Variants in WWOX observed in about 807,000 individuals in gnomAD.
WWOX encodes the protein WW domain-containing oxidoreductase.
Under a neutral mutation model 46.2 loss-of-function variants are expected in WWOX, and 69 were observed. The ratio of observed to expected loss-of-function variants is 1.49; its 90% CI spans 1.23 to 1.82. The LOEUF (loss-of-function observed/expected upper bound fraction) is 1.82. Ranked by LOEUF, WWOX falls within the 40% of genes most tolerant of loss-of-function variation. WWOX has a pLI of 0.00. For synonymous variants in WWOX, 359 were observed against 202.6 expected, an observed-to-expected ratio of 1.77 and a Z score of -6.56; for missense variants, 919 against 542.6, an observed-to-expected ratio of 1.69 and a Z score of -6.89.
intron 8 of WWOX, among the ~76,000 whole-genome samples, chr16:79,088,708 T>C (rs1041478298): frequency 2.6e-5 from 4 of 152,164 alleles, no homozygotes; most frequent in Non-Finnish European, 4.4e-5. Flanking sequence ...GTGGTCCATA[T>C]TGAGAACCGC....
intron 8 of WWOX, among the ~76,000 whole-genome samples, chr16:78,951,811 G>C (rs896375141): frequency 6.6e-6 from 1 of 152,130 alleles, no homozygotes; most frequent in East Asian, 1.9e-4. Context: ...TTGCAGGAAA[G>C]GTCTGAGCAG....
chr16:78,353,454 C>T (rs1319106406), intron 5 of WWOX, among the ~76,000 whole-genome samples: 3 of 152,168 alleles, frequency 2.0e-5, no homozygotes, highest in African/African-American at 4.8e-5. Context: ...AGAAATCATC[C>T]AGCAGCAGTG....
chr16:79,006,839 C>A (rs542317603), intron 8 of WWOX, among the ~76,000 whole-genome samples: 1 of 152,184 alleles, frequency 6.6e-6, no homozygotes, highest in Non-Finnish European at 1.5e-5. Flanking sequence ...ATGCTGGCAT[C>A]CTTCTGGCTC....
At chr16:78,830,706 C>T (rs985827953) in intron 8 of WWOX, among the ~76,000 whole-genome samples, 6 of 151,698 alleles carry the variant, frequency 4.0e-5, no homozygotes, top group Non-Finnish European at 7.4e-5. Context: ...GCTTTCTGGG[C>T]TGTTCAGGTC....
intron 8 of WWOX, among the ~76,000 whole-genome samples, chr16:79,053,790 G>A (rs2048212924): frequency 6.6e-6 from 1 of 152,080 alleles, no homozygotes; most frequent in African/African-American, 2.4e-5. Flanking sequence ...CATTAATCCT[G>A]GAGCCTCTGA....
At chr16:78,891,948 G>A (rs967294100) in intron 8 of WWOX, 1 of 147,564 alleles carries the variant, frequency 6.8e-6, no homozygotes, top group African/African-American at 2.5e-5. Flanking sequence ...AGTGTAGGTC[G>A]GGGAGGTCTT....
At chr16:78,875,766 G>T (rs1306929807) in intron 8 of WWOX, among the ~76,000 whole-genome samples, 1 of 152,152 alleles carries the variant, frequency 6.6e-6, no homozygotes, top group Non-Finnish European at 1.5e-5. Context: ...TGTCAGTGTA[G>T]GCTCTGCATG....
At position 78,602,782 on chromosome 16, in the gene WWOX, C is replaced by T. The variant is rs180767500; in HGVS notation, c.1056+170030C>T. The stretch of plus-strand genomic sequence containing the variant: ...ATGGTTTACATGGTTTATCTTGTAG[C>T]GTTCCATTTAAGTCTGCTAAGAGTA... On this transcript the variant is annotated intron_variant, in intron 8 of 8. Transcript: ENST00000566780. Among the ~76,000 whole-genome samples the T allele has an allele frequency of 8.6e-4, 131 of 152,250 alleles. No homozygotes were observed. In the South Asian group the frequency reaches 0.012, roughly 14 times the overall value.
intron 4 of WWOX, among the ~76,000 whole-genome samples, chr16:78,146,350 G>A (rs1003515582): frequency 2.6e-5 from 4 of 152,090 alleles, no homozygotes; most frequent in African/African-American, 9.7e-5. Flanking sequence ...TAGTCACAAT[G>A]TTCACATTAC....
chr16:78,542,675 C>G (rs1050555773), intron 8 of WWOX, among the ~76,000 whole-genome samples: 1 of 152,186 alleles, frequency 6.6e-6, no homozygotes, highest in Admixed American at 6.5e-5. Context: ...TTATAAAAGA[C>G]ACAGAAACAC....
intron 8 of WWOX, among the ~76,000 whole-genome samples, chr16:78,952,382 G>A (rs1394330346): frequency 1.4e-5 from 2 of 141,436 alleles, no homozygotes; most frequent in Non-Finnish European, 3.1e-5. Flanking sequence ...TTTGTTTTTT[G>A]AGTTTTTTTT....
intron 8 of WWOX, among the ~76,000 whole-genome samples, chr16:78,601,560 A>T (rs2045623676): frequency 6.6e-6 from 1 of 152,198 alleles, no homozygotes; most frequent in South Asian, 2.1e-4. Context: ...TTTTTATATA[A>T]GCACTTTCCG....
chr16:79,149,248 G>A (rs898886374), intron 8 of WWOX, among the ~76,000 whole-genome samples: 1 of 152,110 alleles, frequency 6.6e-6, no homozygotes, highest in Admixed American at 6.5e-5. Flanking sequence ...AAATGATAAT[G>A]GGTGTGTACT....
At position 78,338,776 on chromosome 16, in the gene WWOX, C is replaced by A. The variant is rs1333149280; in HGVS notation, c.517-48084C>A. ...TCTTCTCTTTTTCTGTTTTCTTCTT[C>A]CATTTTTATGTTTTGCTATGCCATT... On this transcript the variant is annotated intron_variant, in intron 5 of 8. Transcript: ENST00000566780. Among the ~76,000 whole-genome samples, 8 of 120,972 alleles carry A rather than the reference C, an allele frequency of 6.6e-5. 1 individual carries two copies. Among genetic ancestry groups the A allele is most frequent in the African/African-American group, 2.2e-4 (8 of 35,908 alleles). 79.4% of individuals were successfully genotyped at this position (120,972 alleles called of 152,430 possible).
chr16:78,497,847 T>G (rs2084953974), intron 8 of WWOX, among the ~76,000 whole-genome samples: 1 of 96,066 alleles, frequency 1.0e-5, no homozygotes, highest in Non-Finnish European at 2.5e-5. Flanking sequence ...ACACCGGAGT[T>G]ACTGAGAATT....
chr16:78,393,702 A>G (rs552997391), intron 6 of WWOX, among the ~76,000 whole-genome samples: 2 of 152,154 alleles, frequency 1.3e-5, no homozygotes, highest in East Asian at 1.9e-4. Context: ...TAAAATAATT[A>G]CCCAAGTCCA....
At chr16:78,963,986 A>G (rs1323261247) in intron 8 of WWOX, among the ~76,000 whole-genome samples, 1 of 152,174 alleles carries the variant, frequency 6.6e-6, no homozygotes, top group Non-Finnish European at 1.5e-5. Context: ...TGCCACCACC[A>G]TGTAAGAAGT....
intron 8 of WWOX, among the ~76,000 whole-genome samples, chr16:78,640,226 GTTTTTTTTTTTTTT>G (rs34129775): frequency 6.1e-5 from 4 of 65,346 alleles, no homozygotes; most frequent in South Asian, 8.4e-4. Flanking sequence ...TTGTTGTTGG[GTTTTTTTTTTTTTT>G]TTTTTTTTTT....
intron 8 of WWOX, among the ~76,000 whole-genome samples, chr16:79,100,496 C>A (rs61588682): frequency 6.6e-6 from 1 of 152,136 alleles, no homozygotes; most frequent in African/African-American, 2.4e-5. Flanking sequence ...TTGGCTTTGA[C>A]CAATGAAGTA....
Sources: allele counts gnomAD v4.1 joint callset (sites outside exome capture counted in the v4.1 genomes callset), GRCh38; gene constraint gnomAD v4.1.1; transcripts MANE v1.5; gene names NCBI Gene and HGNC (gene_info 2026-07-23, HGNC 2026-07-21).